LRRIQ3: variants seen among roughly 807,000 people sequenced by gnomAD.
The protein encoded by LRRIQ3 is leucine rich repeats and IQ motif containing 3.
In LRRIQ3, 75 loss-of-function variants were observed where a neutral mutation model predicts 59.3. That is an observed-to-expected ratio of 1.26 (90% CI 1.05 to 1.53). LRRIQ3 has a LOEUF of 1.53. Among genes scored for constraint, LRRIQ3 ranks in the 40% most tolerant of loss-of-function variants. LRRIQ3 has a pLI of 0.00. For missense variants in LRRIQ3, 831 were observed against 710.0 expected (o/e 1.17, Z -1.94); for synonymous variants, 250 against 231.3 (o/e 1.08, Z -0.73).
At chr1:74,181,929 CTTA>C (rs548236586) in intron 3 of LRRIQ3, 2 of 151,752 alleles carry the variant, frequency 1.3e-5, no homozygotes, top group Non-Finnish European at 3.0e-5. Flanking sequence ...TTTCCTGCAA[CTTA>C]TTGTTACTAT....
intron 4 of LRRIQ3, among the ~76,000 whole-genome samples, chr1:74,147,188 C>A (rs954970375): frequency 4.6e-5 from 7 of 152,138 alleles, no homozygotes; most frequent in African/African-American, 1.7e-4. Context: ...TAGATAACAC[C>A]ACTGCAGTCC....
At chr1:74,167,520 T>C (rs1393693566) in intron 3 of LRRIQ3, among the ~76,000 whole-genome samples, 1 of 151,304 alleles carries the variant, frequency 6.6e-6, no homozygotes, top group Non-Finnish European at 1.5e-5. Context: ...GAACTTAAAA[T>C]AAAAATAAAA....
intron 5 of LRRIQ3, among the ~76,000 whole-genome samples, chr1:74,091,933 T>C (rs1263471589): frequency 3.3e-5 from 5 of 152,138 alleles, no homozygotes; most frequent in Non-Finnish European, 7.4e-5. Context: ...GAATCTCTGA[T>C]TTTTGTCTGG....
intron 4 of LRRIQ3, among the ~76,000 whole-genome samples, chr1:74,119,234 T>C (rs914756229): frequency 2.6e-5 from 4 of 152,166 alleles, no homozygotes; most frequent in African/African-American, 9.6e-5. Context: ...ACTTTAAATT[T>C]TTTTTCAAAT....
intron 6 of LRRIQ3, 128 bp from the exon 7 acceptor site, chr1:74,042,061 TACCTTTTCAACTTG>T: frequency 1.1e-6 from 1 of 923,282 alleles, no homozygotes; most frequent in Non-Finnish European, 1.5e-6. Context: ...TTTTCCCAAG[TACCTTTTCAACTTG>T]TGATTTAATA....
intron 4 of LRRIQ3, among the ~76,000 whole-genome samples, chr1:74,143,770 T>C (rs1263472368): frequency 6.6e-6 from 1 of 151,418 alleles, no homozygotes; most frequent in Non-Finnish European, 1.5e-5. Context: ...CAAAATGAAG[T>C]CTCAAAACCC....
intron 7 of LRRIQ3, among the ~76,000 whole-genome samples, chr1:74,036,945 C>T (rs1843024): frequency 0.32 from 49,115 of 152,000 alleles, 8,441 homozygotes; most frequent in Middle Eastern, 0.45. Context: ...CATTTTTACT[C>T]TATGTTTAAT....
intron 5 of LRRIQ3, among the ~76,000 whole-genome samples, chr1:74,106,830 T>G (rs1033960555): frequency 1.3e-5 from 2 of 152,022 alleles, no homozygotes; most frequent in Non-Finnish European, 2.9e-5. Context: ...CAATTGGATT[T>G]AATTGAACTC....
chr1:74,104,126 T>C (rs945246156), intron 5 of LRRIQ3, among the ~76,000 whole-genome samples: 2 of 152,064 alleles, frequency 1.3e-5, no homozygotes, highest in East Asian at 1.9e-4. Context: ...TTCAACATCA[T>C]ACGTAATTAA....
intron 4 of LRRIQ3, among the ~76,000 whole-genome samples, chr1:74,148,705 G>T (rs770016532): frequency 6.6e-6 from 1 of 152,102 alleles, no homozygotes; most frequent in Non-Finnish European, 1.5e-5. Context: ...CTCTCCTAAG[G>T]TCAACTGATT....
intron 5 of LRRIQ3, chr1:74,083,093 G>C (rs1314266867): frequency 4.0e-5 from 6 of 151,488 alleles, no homozygotes; most frequent in Non-Finnish European, 8.9e-5. Context: ...ATATAACAAG[G>C]CAGAAAATAC....
intron 4 of LRRIQ3, among the ~76,000 whole-genome samples, chr1:74,112,547 C>A (rs188918036): frequency 1.3e-5 from 2 of 152,202 alleles, no homozygotes; most frequent in African/African-American, 4.8e-5. Flanking sequence ...AATTTATGTT[C>A]CAGAGCATTG....
intron 4 of LRRIQ3, among the ~76,000 whole-genome samples, chr1:74,116,204 G>T (rs1023193488): frequency 9.2e-5 from 14 of 151,824 alleles, no homozygotes; most frequent in Non-Finnish European, 1.8e-4. Flanking sequence ...AATACCAAAA[G>T]AATAAAAAAT....
At chr1:74,112,504 G>C (rs920766093) in intron 4 of LRRIQ3, among the ~76,000 whole-genome samples, 1 of 152,002 alleles carries the variant, frequency 6.6e-6, no homozygotes, top group Non-Finnish European at 1.5e-5. Flanking sequence ...CCCTGGAAGG[G>C]GCCCCAACAT....
chr1:74,182,575 T>TG lies in LRRIQ3; in HGVS notation c.535dup (p.His179ProfsTer6), dbSNP rs1169299538. 1 of 1,578,200 alleles carries TG rather than the reference T, an allele frequency of 6.3e-7. No individual in the cohort carries two copies. Among genetic ancestry groups the TG allele is most frequent in the African/African-American group, 1.4e-5 (1 of 73,726 alleles). On this transcript the variant is annotated frameshift_variant, in exon 3 of 8. Transcript: ENST00000354431. LOFTEE classifies it high-confidence loss of function. ...TGGGCAGAAATTAAAGAAAAGTCGA[T>TG]GGTTACATGCTTTGAATCTTTCAGG...
At chr1:74,043,052 G>A (rs1654095283) in intron 6 of LRRIQ3, among the ~76,000 whole-genome samples, 2 of 152,038 alleles carry the variant, frequency 1.3e-5, no homozygotes, top group Non-Finnish European at 2.9e-5. Flanking sequence ...CAGTCAATAT[G>A]CATTTCTGGG....
At chr1:74,111,700 A>C (rs1646697166) in intron 4 of LRRIQ3, among the ~76,000 whole-genome samples, 1 of 152,122 alleles carries the variant, frequency 6.6e-6, no homozygotes, top group Non-Finnish European at 1.5e-5. Flanking sequence ...ATTACATCTC[A>C]GTGTTAACAG....
intron 3 of LRRIQ3, among the ~76,000 whole-genome samples, chr1:74,172,731 T>C (rs1440267244): frequency 6.6e-6 from 1 of 152,208 alleles, no homozygotes; most frequent in African/African-American, 2.4e-5. Flanking sequence ...CGTTGCTTCA[T>C]ATATTACATA....
intron 4 of LRRIQ3, among the ~76,000 whole-genome samples, chr1:74,147,593 A>G (rs1296469689): frequency 1.3e-5 from 2 of 152,214 alleles, no homozygotes; most frequent in Admixed American, 1.3e-4. Context: ...AGAAATATTA[A>G]AAATTTAATT....
Sources: gnomAD v4.1 joint callset for allele counts (sites outside exome capture counted in the v4.1 genomes callset) on GRCh38, gnomAD v4.1.1 for gene constraint, MANE v1.5 for transcripts, NCBI Gene and HGNC (gene_info 2026-07-23, HGNC 2026-07-21) for gene names.